ARHGAP6: variants seen among roughly 807,000 people sequenced by gnomAD.
ARHGAP6 encodes Rho GTPase activating protein 6.
ARHGAP6 carries 16 observed loss-of-function variants against 55.7 expected under a neutral mutation model. The ratio of observed to expected loss-of-function variants is 0.29; its 90% CI spans 0.19 to 0.44. ARHGAP6 has a LOEUF of 0.44. ARHGAP6 is among the 20% of genes least tolerant of loss of function. The pLI is 1.00. For synonymous variants in ARHGAP6, 382 were observed against 360.9 expected, an observed-to-expected ratio of 1.06 and a Z score of -0.66; for missense variants, 698 against 808.9, an observed-to-expected ratio of 0.86 and a Z score of 1.66.
chrX:11,150,373 G>A (rs1323035829), intron 10 of ARHGAP6, among the ~76,000 whole-genome samples: 1 of 110,971 alleles, frequency 9.0e-6, no homozygotes, highest in Non-Finnish European at 1.9e-5. Flanking sequence ...TTAGGGGCCC[G>A]AGATGCCTCA....
intron 1 of ARHGAP6, among the ~76,000 whole-genome samples, chrX:11,354,317 CTCTCTCTCTCTATATATATATA>C (rs2048903811): frequency 1.5e-5 from 1 of 68,350 alleles, no homozygotes; most frequent in African/African-American, 5.9e-5. Context: ...CTCTCTCTCT[CTCTCTCTCTCTATATATATATA>C]TATATATATA....
At chrX:11,347,561 C>T (rs908275202) in intron 1 of ARHGAP6, among the ~76,000 whole-genome samples, 6 of 112,282 alleles carry the variant, frequency 5.3e-5, no homozygotes, top group African/African-American at 1.6e-4. Flanking sequence ...AGAGCATCCA[C>T]TGCAGTTCAA....
intron 1 of ARHGAP6, chrX:11,427,934 C>T (rs2049905462): frequency 7.9e-6 from 3 of 381,596 alleles, no homozygotes; most frequent in African/African-American, 5.5e-5. Flanking sequence ...CTCCGGCGGC[C>T]GCCGCCGCTG....
intron 6 of ARHGAP6, among the ~76,000 whole-genome samples, chrX:11,180,446 G>A (rs2046300187): frequency 9.1e-6 from 1 of 110,375 alleles, no homozygotes; most frequent in Non-Finnish European, 1.9e-5. Flanking sequence ...AGTGAGTAAA[G>A]AGGCAAAGTC....
intron 10 of ARHGAP6, among the ~76,000 whole-genome samples, chrX:11,146,397 G>A (rs1004724166): frequency 9.0e-6 from 1 of 111,626 alleles, no homozygotes; most frequent in Non-Finnish European, 1.9e-5. Flanking sequence ...GTAGACACAG[G>A]CTCTGAACCT....
chrX:11,218,302 C>A (rs2046910661), intron 2 of ARHGAP6, among the ~76,000 whole-genome samples: 2 of 111,777 alleles, frequency 1.8e-5, no homozygotes, highest in South Asian at 7.4e-4. Flanking sequence ...TTACTTTGGG[C>A]AGTATGGCCA....
chrX:11,458,738 T>G (rs1356026280), intron 1 of ARHGAP6, among the ~76,000 whole-genome samples: 2 of 112,033 alleles, frequency 1.8e-5, no homozygotes, highest in Admixed American at 9.5e-5. Context: ...TAGGCATTGT[T>G]CTAAGAGCCT....
intron 1 of ARHGAP6, among the ~76,000 whole-genome samples, chrX:11,432,816 C>T (rs771915926): frequency 1.8e-5 from 2 of 112,078 alleles, no homozygotes; most frequent in African/African-American, 6.5e-5. Context: ...TTCACCCACA[C>T]GCACAGACAG....
intron 1 of ARHGAP6, among the ~76,000 whole-genome samples, chrX:11,469,480 T>C (rs1020404309): frequency 1.8e-5 from 2 of 112,213 alleles, no homozygotes; most frequent in African/African-American, 6.5e-5. Context: ...TGCATGCATA[T>C]ATGCCCATAG....
chrX:11,594,212 C>T (rs969807643), intron 1 of ARHGAP6, among the ~76,000 whole-genome samples: 3 of 111,349 alleles, frequency 2.7e-5, no homozygotes, highest in African/African-American at 9.8e-5. Context: ...ATTTTCCATG[C>T]TCCCTTTGCC....
intron 1 of ARHGAP6, among the ~76,000 whole-genome samples, chrX:11,271,761 G>A (rs946619798): frequency 7.6e-4 from 85 of 111,613 alleles, no homozygotes; most frequent in Middle Eastern, 9.2e-3. Flanking sequence ...TTCATTTTTA[G>A]TTGCAGTCTG....
At chrX:11,254,916 G>C (rs1029475210) in intron 1 of ARHGAP6, among the ~76,000 whole-genome samples, 1 of 110,526 alleles carries the variant, frequency 9.0e-6, no homozygotes, top group Non-Finnish European at 1.9e-5. Context: ...GTATCTGCTG[G>C]GTCACATGAT....
chrX:11,393,333 CT>C (rs1047273411), intron 1 of ARHGAP6, among the ~76,000 whole-genome samples: 1 of 110,860 alleles, frequency 9.0e-6, no homozygotes, highest in Admixed American at 9.6e-5. Context: ...GTTCCTCCCC[CT>C]GAAGAAAGCC....
intron 10 of ARHGAP6, among the ~76,000 whole-genome samples, chrX:11,144,635 C>A (rs2045665552): frequency 8.9e-6 from 1 of 112,439 alleles, no homozygotes; most frequent in African/African-American, 3.2e-5. Context: ...GTAGATAACT[C>A]TTTCACTTTC....
chrX:11,551,031 A>G (rs1404283791), intron 1 of ARHGAP6, among the ~76,000 whole-genome samples: 2 of 111,822 alleles, frequency 1.8e-5, no homozygotes, highest in African/African-American at 6.5e-5. Flanking sequence ...CAGAACAAAT[A>G]CAAATGTACA....
At chrX:11,158,013 C>G (rs1021939692) in intron 9 of ARHGAP6, among the ~76,000 whole-genome samples, 2 of 111,801 alleles carry the variant, frequency 1.8e-5, no homozygotes, top group African/African-American at 6.5e-5. Context: ...TTTTCCATTC[C>G]AACTGCAGAG....
chrX:11,541,234 T>C (rs956490121), intron 1 of ARHGAP6, among the ~76,000 whole-genome samples: 16 of 110,921 alleles, frequency 1.4e-4, no homozygotes, highest in African/African-American at 5.3e-4. Flanking sequence ...AGAGCCTTTA[T>C]TGTGGTTTGT....
rs773563218 is a variant in ARHGAP6 at position 11,206,654 on chromosome X, C to T, written c.749-9658G>A. The stretch of plus-strand genomic sequence containing the variant: ...AGGTTTTGCCTTGTTATATTACTTA[C>T]AGTCAAAATAAATGATTATGGATAA... On this transcript the variant is annotated intron_variant, in intron 2 of 12. Transcript: ENST00000337414. 6.3e-5 allele frequency among the ~76,000 whole-genome samples: 7 copies of T among 111,256 alleles called. No homozygotes were observed. The East Asian group carries it at 1.4e-3, about 22-fold the overall frequency.
At position 11,300,732 on chromosome X, in the gene ARHGAP6, T is replaced by A. The variant is rs775957398; in HGVS notation, c.589-46025A>T. 1.9e-5 allele frequency: 13 copies of A among 670,234 alleles called. No individual in the cohort carries two copies. In the East Asian group the frequency reaches 4.3e-4, roughly 22 times the overall value. 55.2% of individuals were successfully genotyped at this position (670,234 alleles called of 1,213,427 possible). ...AAATTCTGTAACTAAAAAAGTACCA[T>A]TAGCAGACAATAAAATGCATTAAAA... On this transcript the variant is annotated intron_variant, in intron 1 of 12. Coordinates refer to ENST00000337414, the MANE Select transcript of ARHGAP6 (RefSeq NM_013427.3).
Sources: allele counts gnomAD v4.1 joint callset (sites outside exome capture counted in the v4.1 genomes callset), GRCh38; gene constraint gnomAD v4.1.1; transcripts MANE v1.5; gene names NCBI Gene and HGNC (gene_info 2026-07-23, HGNC 2026-07-21).